Variants in DSCAM observed in about 807,000 individuals in gnomAD.
The protein encoded by DSCAM is cell adhesion molecule DSCAM.
In DSCAM, 47 loss-of-function variants were observed where a neutral mutation model predicts 217.7. The ratio of observed to expected loss-of-function variants is 0.22; its 90% CI spans 0.17 to 0.28. The LOEUF (loss-of-function observed/expected upper bound fraction) is 0.28. Ranked by LOEUF, DSCAM falls within the 10% of genes least tolerant of loss-of-function variation. The pLI, the probability that DSCAM is intolerant of heterozygous loss-of-function variation, is 1.00. For missense variants in DSCAM, 2,080 were observed against 2,618.3 expected (o/e 0.79, Z 4.49); for synonymous variants, 1,056 against 1,015.3 (o/e 1.04, Z -0.76).
At chr21:40,513,794 T>C (rs59495281) in intron 3 of DSCAM, among the ~76,000 whole-genome samples, 14,948 of 151,904 alleles carry the variant, frequency 0.098, 1,384 homozygotes, top group African/African-American at 0.25. Context: ...GTTGAATGAA[T>C]GGACAGAATA....
intron 3 of DSCAM, among the ~76,000 whole-genome samples, chr21:40,386,070 T>G (rs576233935): frequency 1.3e-5 from 2 of 152,344 alleles, no homozygotes; most frequent in Non-Finnish European, 1.5e-5. Flanking sequence ...TGTACATTTG[T>G]GTTTAAGCAA....
intron 8 of DSCAM, among the ~76,000 whole-genome samples, chr21:40,329,479 T>G (rs1292409647): frequency 1.3e-5 from 2 of 151,942 alleles, no homozygotes; most frequent in African/African-American, 2.4e-5. Context: ...CTGGGCATAG[T>G]GGTGCACGCC....
intron 3 of DSCAM, among the ~76,000 whole-genome samples, chr21:40,644,607 A>G (rs932239303): frequency 2.0e-5 from 3 of 152,208 alleles, no homozygotes; most frequent in African/African-American, 7.2e-5. Flanking sequence ...AGGCCTCGAA[A>G]GGGCACCTAG....
chr21:40,055,915 CA>C, intron 28 of DSCAM, 75 bp from the exon 29 acceptor site: 1 of 1,083,680 alleles, frequency 9.2e-7, no homozygotes, highest in Non-Finnish European at 1.4e-6. Flanking sequence ...ACCTGTATAC[CA>C]ACTTAGTTTA....
chr21:40,188,224 G>A (rs1278181044), intron 12 of DSCAM, among the ~76,000 whole-genome samples: 1 of 152,144 alleles, frequency 6.6e-6, no homozygotes, highest in Non-Finnish European at 1.5e-5. Context: ...GAAAGTAGGC[G>A]GATGGATAGG....
intron 3 of DSCAM, among the ~76,000 whole-genome samples, chr21:40,452,620 C>G (rs1017907746): frequency 1.3e-5 from 2 of 152,124 alleles, no homozygotes; most frequent in Admixed American, 1.3e-4. Flanking sequence ...TACAATACAG[C>G]ACTCATGCTC....
At chr21:40,695,172 G>C (rs1267656356) in intron 2 of DSCAM, among the ~76,000 whole-genome samples, 2 of 152,126 alleles carry the variant, frequency 1.3e-5, no homozygotes, top group Non-Finnish European at 2.9e-5. Context: ...CAAGGAAAGG[G>C]GTCAAGTTCC....
intron 3 of DSCAM, among the ~76,000 whole-genome samples, chr21:40,465,571 C>T (rs1430139829): frequency 6.6e-6 from 1 of 152,204 alleles, no homozygotes; most frequent in Non-Finnish European, 1.5e-5. Context: ...CCACCCGTGG[C>T]GTGCAGGCCA....
At chr21:40,399,212 G>A (rs1237628694) in intron 3 of DSCAM, among the ~76,000 whole-genome samples, 1 of 152,178 alleles carries the variant, frequency 6.6e-6, no homozygotes, top group Admixed American at 6.5e-5. Flanking sequence ...CAAGGCTGCA[G>A]AGAGCTATGA....
At chr21:40,463,683 T>C (rs992014169) in intron 3 of DSCAM, among the ~76,000 whole-genome samples, 2 of 152,182 alleles carry the variant, frequency 1.3e-5, no homozygotes, top group African/African-American at 2.4e-5. Context: ...AAATCACAGA[T>C]TGGCACCACC....
chr21:40,572,537 T>C (rs917668353), intron 3 of DSCAM, among the ~76,000 whole-genome samples: 1 of 152,114 alleles, frequency 6.6e-6, no homozygotes, highest in African/African-American at 2.4e-5. Context: ...AAGAGATAGA[T>C]ATTTGAAAAT....
intron 9 of DSCAM, among the ~76,000 whole-genome samples, chr21:40,301,784 AT>A (rs1368995552): frequency 6.6e-6 from 1 of 152,210 alleles, no homozygotes; most frequent in African/African-American, 2.4e-5. Flanking sequence ...AATGAATGTT[AT>A]TACTTCAGTT....
intron 4 of DSCAM, among the ~76,000 whole-genome samples, chr21:40,362,388 A>G (rs1454132670): frequency 6.6e-6 from 1 of 152,168 alleles, no homozygotes; most frequent in Admixed American, 6.6e-5. Flanking sequence ...TTTCTTATGA[A>G]CTGGAATTTA....
At chr21:40,477,181 C>T (rs547592065) in intron 3 of DSCAM, among the ~76,000 whole-genome samples, 1 of 152,192 alleles carries the variant, frequency 6.6e-6, no homozygotes, top group South Asian at 2.1e-4. Flanking sequence ...AAACCTCATT[C>T]ATACAATATT....
intron 3 of DSCAM, among the ~76,000 whole-genome samples, chr21:40,461,520 C>T (rs1243961506): frequency 1.3e-5 from 2 of 152,106 alleles, no homozygotes; most frequent in African/African-American, 4.8e-5. Flanking sequence ...GCTGGTTTCA[C>T]ACTCAAGCAT....
intron 16 of DSCAM, among the ~76,000 whole-genome samples, chr21:40,153,269 T>G (rs1329244293): frequency 6.6e-6 from 1 of 152,210 alleles, no homozygotes; most frequent in Admixed American, 6.5e-5. Flanking sequence ...GGGACACCTT[T>G]GAGTGAATCA....
At chr21:40,216,299 A>G (rs2091243165) in intron 11 of DSCAM, among the ~76,000 whole-genome samples, 4 of 151,730 alleles carry the variant, frequency 2.6e-5, no homozygotes, top group Admixed American at 2.6e-4. Context: ...TTTTTTTTAG[A>G]AACAGAGTTT....
chr21:40,527,491 G>C (rs1273434405), intron 3 of DSCAM, among the ~76,000 whole-genome samples: 1 of 152,152 alleles, frequency 6.6e-6, no homozygotes, highest in Non-Finnish European at 1.5e-5. Context: ...CAATGATCCA[G>C]TTCTCCTTAT....
intron 31 of DSCAM, among the ~76,000 whole-genome samples, chr21:40,043,173 C>T (rs955605898): frequency 2.6e-5 from 4 of 152,186 alleles, no homozygotes; most frequent in African/African-American, 7.2e-5. Context: ...GAATGGCCCC[C>T]GACCCCTGGG....
Sources: allele counts gnomAD v4.1 joint callset (sites outside exome capture counted in the v4.1 genomes callset), GRCh38; gene constraint gnomAD v4.1.1; transcripts MANE v1.5; gene names NCBI Gene and HGNC (gene_info 2026-07-23, HGNC 2026-07-21).